Variants in PLCL1 observed in about 807,000 individuals in gnomAD.
The protein encoded by PLCL1 is inactive phospholipase C-like protein 1.
In PLCL1, 41 loss-of-function variants were observed where a neutral mutation model predicts 84.4. That is an observed-to-expected ratio of 0.49 (90% CI 0.38 to 0.63). The LOEUF (loss-of-function observed/expected upper bound fraction) is 0.63, where lower values mean the gene tolerates loss of function less well. PLCL1 is among the 30% of genes least tolerant of loss of function. The probability of loss-of-function intolerance (pLI) is 0.00; values close to 1 mark genes in which losing one functional copy is unlikely to be tolerated. For synonymous variants in PLCL1, 490 were observed against 488.3 expected, an observed-to-expected ratio of 1.00 and a Z score of -0.05; for missense variants, 1,206 against 1,367.8, an observed-to-expected ratio of 0.88 and a Z score of 1.87.
intron 1 of PLCL1, among the ~76,000 whole-genome samples, chr2:197,914,458 T>C (rs2105748950): frequency 6.6e-6 from 1 of 152,166 alleles, no homozygotes; most frequent in Admixed American, 6.5e-5. Context: ...GCCTCCTGAA[T>C]AGCTGGAACT....
intron 1 of PLCL1, among the ~76,000 whole-genome samples, chr2:198,059,631 G>A (rs925631735): frequency 2.6e-5 from 4 of 152,056 alleles, no homozygotes; most frequent in Admixed American, 6.6e-5. Flanking sequence ...GAGAGAGGAT[G>A]GGAGAGTGGG....
intron 1 of PLCL1, among the ~76,000 whole-genome samples, chr2:198,055,156 A>C (rs1303146455): frequency 6.6e-6 from 1 of 152,076 alleles, no homozygotes. Context: ...GGGAAGAAAC[A>C]GCTAGTGCTC....
At chr2:198,097,147 T>G (rs985912137) in intron 3 of PLCL1, among the ~76,000 whole-genome samples, 3 of 152,178 alleles carry the variant, frequency 2.0e-5, no homozygotes, top group African/African-American at 7.2e-5. Flanking sequence ...AAGAACTGTC[T>G]GCTGGCATGT....
At chr2:197,891,186 C>G (rs1346628853) in intron 1 of PLCL1, among the ~76,000 whole-genome samples, 1 of 152,032 alleles carries the variant, frequency 6.6e-6, no homozygotes, top group Non-Finnish European at 1.5e-5. Context: ...AGGAAACAGG[C>G]ATGGAAACAT....
intron 3 of PLCL1, among the ~76,000 whole-genome samples, chr2:198,092,893 A>G (rs1410994323): frequency 6.6e-6 from 1 of 152,244 alleles, no homozygotes; most frequent in Admixed American, 6.5e-5. Context: ...ATAGCACGTT[A>G]TCAGGTAATG....
At chr2:197,909,123 C>G (rs1688437587) in intron 1 of PLCL1, among the ~76,000 whole-genome samples, 1 of 152,166 alleles carries the variant, frequency 6.6e-6, no homozygotes, top group African/African-American at 2.4e-5. Flanking sequence ...GATAACTGAG[C>G]TCCCTTTTCT....
chr2:198,056,812 A>G (rs957148312), intron 1 of PLCL1, among the ~76,000 whole-genome samples: 7 of 151,914 alleles, frequency 4.6e-5, no homozygotes, highest in Middle Eastern at 3.4e-3. Flanking sequence ...AGACCTGTTG[A>G]AGTGTTGGGT....
At chr2:198,043,796 C>T (rs957220811) in intron 1 of PLCL1, among the ~76,000 whole-genome samples, 1 of 151,194 alleles carries the variant, frequency 6.6e-6, no homozygotes, top group Non-Finnish European at 1.5e-5. Context: ...AAATCTCAGA[C>T]AGAGCTTGAA....
chr2:197,922,047 G>T (rs1319212877), intron 1 of PLCL1, among the ~76,000 whole-genome samples: 1 of 125,300 alleles, frequency 8.0e-6, no homozygotes. Flanking sequence ...TAATTCTTGG[G>T]TGTTTCTCAC....
At chr2:198,049,379 C>G (rs576705803) in intron 1 of PLCL1, among the ~76,000 whole-genome samples, 13 of 152,072 alleles carry the variant, frequency 8.5e-5, no homozygotes, top group African/African-American at 2.9e-4. Context: ...AAAATTGCCT[C>G]CTGATTTTAT....
At chr2:197,922,899 G>T (rs1574950273) in intron 1 of PLCL1, among the ~76,000 whole-genome samples, 1 of 139,194 alleles carries the variant, frequency 7.2e-6, no homozygotes, top group Non-Finnish European at 1.6e-5. Context: ...TGGCCGGGCG[G>T]GGGGCTGACC....
In PLCL1 at chr2:197,931,275, C is replaced by T. The variant is rs146485215; in HGVS notation, c.240+125936C>T. On this transcript the variant is annotated intron_variant, in intron 1 of 5. Coordinates refer to ENST00000428675, the MANE Select transcript of PLCL1 (RefSeq NM_006226.4). ...CTGGTCGGTGAAAGTCAGACTTAAA[C>T]TTTCCTCACCCACCTCAGAGCAGCA... 2.6e-5 allele frequency among the ~76,000 whole-genome samples: 4 copies of T among 152,254 alleles called. No individual in the cohort carries two copies. In the East Asian group the frequency reaches 7.7e-4, roughly 29 times the overall value.
chr2:198,055,329 C>CTCTG (rs374518934), intron 1 of PLCL1, among the ~76,000 whole-genome samples: 19,200 of 111,754 alleles, frequency 0.17, 1,729 homozygotes, highest in African/African-American at 0.22. Flanking sequence ...CTCTCTCTCT[C>CTCTG]TGTGTGTGTG....
intron 5 of PLCL1, among the ~76,000 whole-genome samples, chr2:198,139,189 G>A (rs1269351297): frequency 6.6e-6 from 1 of 152,034 alleles, no homozygotes; most frequent in African/African-American, 2.4e-5. Flanking sequence ...CAGTTTTGAT[G>A]TGGTGTATGG....
chr2:197,955,184 CTT>C (rs1559055262), intron 1 of PLCL1, among the ~76,000 whole-genome samples: 1 of 151,982 alleles, frequency 6.6e-6, no homozygotes, highest in African/African-American at 2.4e-5. Flanking sequence ...GGCTCTCAGT[CTT>C]TTCTTAATAC....
At chr2:198,131,898 A>G (rs1471418715) in intron 5 of PLCL1, among the ~76,000 whole-genome samples, 2 of 152,312 alleles carry the variant, frequency 1.3e-5, no homozygotes, top group East Asian at 3.9e-4. Context: ...GAGCCACTGA[A>G]TGGGCAGCCT....
chr2:197,999,912 C>T (rs1291861465), intron 1 of PLCL1, among the ~76,000 whole-genome samples: 1 of 152,100 alleles, frequency 6.6e-6, no homozygotes, highest in Admixed American at 6.6e-5. Context: ...AAAACACATT[C>T]CGTAGGTAGT....
At chr2:198,023,393 A>G (rs1378563338) in intron 1 of PLCL1, among the ~76,000 whole-genome samples, 1 of 152,254 alleles carries the variant, frequency 6.6e-6, no homozygotes, top group Non-Finnish European at 1.5e-5. Flanking sequence ...GCCAAAATTG[A>G]CAAATGAGAT....
intron 1 of PLCL1, among the ~76,000 whole-genome samples, chr2:197,842,439 T>C (rs1467272483): frequency 6.6e-6 from 1 of 152,140 alleles, no homozygotes; most frequent in African/African-American, 2.4e-5. Flanking sequence ...TTTATTATTC[T>C]TATTCACGAT....
Sources: allele counts gnomAD v4.1 joint callset (sites outside exome capture counted in the v4.1 genomes callset), GRCh38; gene constraint gnomAD v4.1.1; transcripts MANE v1.5; gene names NCBI Gene and HGNC (gene_info 2026-07-23, HGNC 2026-07-21).